Variants in SLC38A6 observed in about 807,000 individuals in gnomAD.
The protein encoded by SLC38A6 is N system amino acid transporter NAT-1.
SLC38A6 carries 73 observed loss-of-function variants against 65.0 expected under a neutral mutation model. The observed-to-expected ratio is 1.12, with a 90% CI of 0.93 to 1.37. The LOEUF (loss-of-function observed/expected upper bound fraction) is 1.37, where lower values mean the gene tolerates loss of function less well. SLC38A6 is among the 40% of genes most tolerant of loss of function. The pLI is 0.00. For synonymous variants in SLC38A6, 183 were observed against 178.8 expected, an observed-to-expected ratio of 1.02 and a Z score of -0.19; for missense variants, 561 against 531.1, an observed-to-expected ratio of 1.06 and a Z score of -0.55.
At chr14:61,049,850 G>A (rs893327594) in intron 12 of SLC38A6, among the ~76,000 whole-genome samples, 41 of 152,150 alleles carry the variant, frequency 2.7e-4, no homozygotes, top group Admixed American at 2.4e-3. Context: ...AGGTTAGGGA[G>A]ACATTGTGAG....
chr14:61,057,057 G>A (rs1156489731), downstream of SLC38A6, among the ~76,000 whole-genome samples: 430 of 106,892 alleles, frequency 4.0e-3, 1 homozygote, highest in Non-Finnish European at 6.9e-3. Context: ...CAATCATGTC[G>A]TCTGCAAACA....
chr14:61,032,674 T>C (rs2041081603), intron 6 of SLC38A6, among the ~76,000 whole-genome samples: 1 of 151,866 alleles, frequency 6.6e-6, no homozygotes, highest in Non-Finnish European at 1.5e-5. Flanking sequence ...TGGCTAATTA[T>C]ATTAACTTAC....
chr14:60,987,946 A>G (rs2037576799), intron 3 of SLC38A6, among the ~76,000 whole-genome samples: 1 of 152,194 alleles, frequency 6.6e-6, no homozygotes, highest in South Asian at 2.1e-4. Flanking sequence ...TTTCAAGTAT[A>G]TTAGGTTATC....
intron 5 of SLC38A6, among the ~76,000 whole-genome samples, chr14:61,023,763 G>A (rs1008609815): frequency 6.6e-6 from 1 of 151,774 alleles, no homozygotes; most frequent in Admixed American, 6.6e-5. Flanking sequence ...AAATTGAAAT[G>A]GAAGGCCTTT....
intron 12 of SLC38A6, chr14:61,048,424 T>C (rs1034798340): frequency 4.1e-6 from 1 of 241,414 alleles, no homozygotes; most frequent in Non-Finnish European, 8.3e-6. Flanking sequence ...CATATATAAC[T>C]TGCAGAGATC....
At chr14:61,055,025 G>C (rs940987175), downstream of SLC38A6, among the ~76,000 whole-genome samples, 1 of 148,584 alleles carries the variant, frequency 6.7e-6, no homozygotes, top group Admixed American at 6.7e-5. Context: ...ATTATTTTGA[G>C]GTATGTTCCT....
intron 13 of SLC38A6, 27 bp downstream of exon 13, chr14:61,050,663 C>A: frequency 6.7e-7 from 1 of 1,503,384 alleles, no homozygotes. Context: ...GGTTTTGTTG[C>A]CTAGTATAGA....
downstream of SLC38A6, among the ~76,000 whole-genome samples, chr14:61,054,988 G>A (rs2139886565): frequency 6.6e-6 from 1 of 151,594 alleles, no homozygotes; most frequent in East Asian, 1.9e-4. Flanking sequence ...TATAATGTTG[G>A]CCATGAGTTT....
intron 8 of SLC38A6, 76 bp from the exon 9 acceptor site, chr14:61,043,071 A>G (rs2041906089): frequency 6.7e-6 from 6 of 898,084 alleles, no homozygotes; most frequent in Non-Finnish European, 1.0e-5. Flanking sequence ...TTGAAATGAT[A>G]CTGACCTATT....
intron 2 of SLC38A6, among the ~76,000 whole-genome samples, chr14:60,984,187 A>G (rs972025854): frequency 1.3e-5 from 2 of 152,244 alleles, no homozygotes; most frequent in Non-Finnish European, 2.9e-5. Context: ...TGTGTTAACT[A>G]CATTATTTTA....
intron 3 of SLC38A6, chr14:61,002,285 A>T (rs553472467): frequency 6.6e-6 from 1 of 152,366 alleles, no homozygotes; most frequent in African/African-American, 2.4e-5. Context: ...GTGTCAATGA[A>T]ATTGCATAGT....
At chr14:60,984,919 A>G in intron 3 of SLC38A6, 116 bp downstream of exon 3, 1 of 975,368 alleles carries the variant, frequency 1.0e-6, no homozygotes, top group Non-Finnish European at 1.6e-6. Flanking sequence ...TTTATTAGAT[A>G]GGGTGATCGG....
At chr14:61,049,171 T>C (rs2042352001) in intron 12 of SLC38A6, among the ~76,000 whole-genome samples, 1 of 152,186 alleles carries the variant, frequency 6.6e-6, no homozygotes, top group Admixed American at 6.5e-5. Flanking sequence ...GTTCAGATCA[T>C]AATACACTGT....
Position 61,030,263 on chromosome 14 carries a change from CTGTGTGTGTG to C in SLC38A6, c.404-154_404-145del, listed in dbSNP as rs3080609. Among the ~76,000 whole-genome samples, 378 of 148,842 alleles carry C rather than the reference CTGTGTGTGTG, an allele frequency of 2.5e-3. 2 individuals are homozygous for C. The highest frequency in any genetic ancestry group is 7.5e-3 in the African/African-American group (303 of 40,508). ...GTTATTCTTCTCTACAGTTACTTTT[CTGTGTGTGTG>C]TGTGTGTGTGTGTGTGTGTGTGTGT... On this transcript the variant is annotated intron_variant, in intron 5 of 15. Coordinates refer to ENST00000267488, the MANE Select transcript of SLC38A6 (RefSeq NM_153811.3).
At chr14:61,067,338 T>G (rs766673366) in intron 15 of SLC38A6, among the ~76,000 whole-genome samples, 18 of 152,110 alleles carry the variant, frequency 1.2e-4, no homozygotes, top group Non-Finnish European at 2.5e-4. Flanking sequence ...TACACTTTTA[T>G]TACTTTACTG....
At chr14:61,000,635 A>G (rs1265267375) in intron 3 of SLC38A6, among the ~76,000 whole-genome samples, 3 of 152,172 alleles carry the variant, frequency 2.0e-5, no homozygotes. Flanking sequence ...TCCACTTCCA[A>G]GGGAAAAAAA....
At chr14:61,038,076 A>T (rs1301703767) in intron 8 of SLC38A6, among the ~76,000 whole-genome samples, 2 of 152,096 alleles carry the variant, frequency 1.3e-5, no homozygotes, top group Non-Finnish European at 2.9e-5. Flanking sequence ...TTCCATTAAT[A>T]AAAAAACAGA....
chr14:61,083,311 G>A (rs1288684624), intron 16 of SLC38A6, among the ~76,000 whole-genome samples: 1 of 152,202 alleles, frequency 6.6e-6, no homozygotes, highest in Non-Finnish European at 1.5e-5. Context: ...TGCTTGCCAG[G>A]TTCTGGGTTC....
chr14:61,067,375 A>T (rs2043057377), intron 15 of SLC38A6, among the ~76,000 whole-genome samples: 1 of 152,070 alleles, frequency 6.6e-6, no homozygotes, highest in Non-Finnish European at 1.5e-5. Flanking sequence ...ACTTCCAACC[A>T]TGTTGTCTCT....
Sources: gnomAD v4.1 joint callset for allele counts (sites outside exome capture counted in the v4.1 genomes callset) on GRCh38, gnomAD v4.1.1 for gene constraint, MANE v1.5 for transcripts, NCBI Gene and HGNC (gene_info 2026-07-23, HGNC 2026-07-21) for gene names.